DLEU7: variants seen among roughly 807,000 people sequenced by gnomAD.
DLEU7 encodes the protein leukemia-associated protein 7.
Under a neutral mutation model 16.0 loss-of-function variants are expected in DLEU7, and 17 were observed. The ratio of observed to expected loss-of-function variants is 1.06; its 90% confidence interval spans 0.73 to 1.59. The LOEUF is 1.59. Ranked by LOEUF, DLEU7 falls within the 40% of genes most tolerant of loss-of-function variation. The probability of loss-of-function intolerance (pLI) is 0.00; values close to 1 mark genes in which losing one functional copy is unlikely to be tolerated. For synonymous variants in DLEU7, 113 were observed against 139.8 expected, an observed-to-expected ratio of 0.81 and a Z score of 1.35; for missense variants, 308 against 314.9, an observed-to-expected ratio of 0.98 and a Z score of 0.17.
chr13:50,789,146 C>T (rs181497739), intron 1 of DLEU7, among the ~76,000 whole-genome samples: 3 of 151,616 alleles, frequency 2.0e-5, no homozygotes, highest in Admixed American at 6.6e-5. Flanking sequence ...CTCAGTGTTT[C>T]GGAGCTCGGT....
Position 50,843,290 on chromosome 13 carries a change from G to A in DLEU7, c.357C>T (p.Ser119=), listed in dbSNP as rs1256480325. 3 of 1,558,468 alleles carry A rather than the reference G, an allele frequency of 1.9e-6. No individual in the cohort carries two copies. The highest frequency in any genetic ancestry group is 2.5e-5 in the East Asian group (1 of 40,156). The change falls in exon 1 of 2, where the codon AGC becomes AGT. Residue 119 remains serine (S), a synonymous_variant. Coordinates refer to ENST00000504404, the MANE Select transcript of DLEU7 (RefSeq NM_001306135.2). The surrounding 1 kb of genome is among the most constrained non-coding windows in gnomAD (Gnocchi z 5.7). ...PCTLAQMAMR[S]ALARVVDSTS... is the part of the protein sequence containing the mutation. ...TCGAGTCCACCACGCGGGCCAGCGC[G>A]CTGCGCATCGCCATCTGGGCCAGGG...
intron 1 of DLEU7, among the ~76,000 whole-genome samples, chr13:50,781,532 G>A (rs923845825): frequency 6.6e-6 from 1 of 152,184 alleles, no homozygotes; most frequent in Admixed American, 6.5e-5. Flanking sequence ...TCTGCAAATG[G>A]TCTTCCTGCC....
chr13:50,786,211 A>G (rs1458313489), intron 1 of DLEU7, among the ~76,000 whole-genome samples: 2 of 152,068 alleles, frequency 1.3e-5, no homozygotes, highest in African/African-American at 4.8e-5. Flanking sequence ...CCTGATTTTT[A>G]CCCATTCTGG....
chr13:50,812,178 A>G (rs1876590863), intron 1 of DLEU7, among the ~76,000 whole-genome samples: 1 of 152,110 alleles, frequency 6.6e-6, no homozygotes, highest in African/African-American at 2.4e-5. Flanking sequence ...CAGTAGCAGA[A>G]CCTATTTTCA....
chr13:50,792,438 T>G (rs1451013565), intron 1 of DLEU7, among the ~76,000 whole-genome samples: 3 of 152,166 alleles, frequency 2.0e-5, no homozygotes, highest in Non-Finnish European at 4.4e-5. Flanking sequence ...CAACTTCCCT[T>G]TAGCTATTCC....
At chr13:50,838,854 T>G (rs1877554975) in intron 1 of DLEU7, among the ~76,000 whole-genome samples, 1 of 152,194 alleles carries the variant, frequency 6.6e-6, no homozygotes, top group African/African-American at 2.4e-5. Flanking sequence ...TTTCTCTCTC[T>G]GCTTGCACGC....
chr13:50,736,778 G>A (rs1874082292), intron 1 of DLEU7, among the ~76,000 whole-genome samples: 1 of 151,780 alleles, frequency 6.6e-6, no homozygotes, highest in African/African-American at 2.4e-5. Flanking sequence ...GGAGAGAAAG[G>A]AGAAATGGAG....
At chr13:50,841,837 A>C (rs1264790125) in intron 1 of DLEU7, among the ~76,000 whole-genome samples, 4 of 151,878 alleles carry the variant, frequency 2.6e-5, no homozygotes, top group African/African-American at 7.3e-5. Context: ...TGGTGATACC[A>C]AAAAAAAGTA....
intron 1 of DLEU7, among the ~76,000 whole-genome samples, chr13:50,736,784 T>G (rs1161585019): frequency 6.7e-6 from 1 of 148,720 alleles, no homozygotes. Flanking sequence ...AAAGGAGAAA[T>G]GGAGAGGGAG....
intron 1 of DLEU7, among the ~76,000 whole-genome samples, chr13:50,810,488 G>A (rs936629870): frequency 1.3e-5 from 2 of 152,098 alleles, no homozygotes; most frequent in African/African-American, 4.8e-5. Flanking sequence ...GGCAAGAAAA[G>A]CAAGGATAAA....
intron 1 of DLEU7, among the ~76,000 whole-genome samples, chr13:50,767,768 A>C (rs1875165475): frequency 6.6e-6 from 1 of 152,172 alleles, no homozygotes; most frequent in Admixed American, 6.5e-5. Context: ...CAGGACCAGC[A>C]TACACACAGA....
Position 50,777,048 on chromosome 13 carries a change from C to T in DLEU7, c.460-63808G>A, listed in dbSNP as rs1017401138. Among the ~76,000 whole-genome samples the T allele has an allele frequency of 7.2e-5, 11 of 152,166 alleles. No homozygotes were observed. The South Asian group carries it at 2.1e-3, about 29-fold the overall frequency. ...CCAGTAAGCTGGAACTTAGTAGTGG[C>T]TTCCCCCTTTGAAAAGGGATAAATG... is the stretch of plus-strand genomic sequence containing the variant. On this transcript the variant is annotated intron_variant, in intron 1 of 1. Coordinates refer to the DLEU7 transcript ENST00000400393.
chr13:50,842,051 A>C (rs972673915), intron 1 of DLEU7, among the ~76,000 whole-genome samples: 1 of 152,124 alleles, frequency 6.6e-6, no homozygotes, highest in African/African-American at 2.4e-5. Flanking sequence ...ATGCTGCTAA[A>C]CATCCTCTAA....
At chr13:50,781,427 T>G (rs1167842751) in intron 1 of DLEU7, among the ~76,000 whole-genome samples, 2 of 152,208 alleles carry the variant, frequency 1.3e-5, no homozygotes, top group African/African-American at 4.8e-5. Context: ...ACCATCTTAG[T>G]AACTGTGAAA....
intron 1 of DLEU7, among the ~76,000 whole-genome samples, chr13:50,715,148 T>C (rs1465660872): frequency 1.3e-5 from 2 of 152,120 alleles, no homozygotes; most frequent in Non-Finnish European, 2.9e-5. Flanking sequence ...CACCTACATC[T>C]CAGAGCCAGC....
intron 1 of DLEU7, among the ~76,000 whole-genome samples, chr13:50,762,769 A>G (rs1874975992): frequency 1.3e-5 from 2 of 151,172 alleles, no homozygotes; most frequent in African/African-American, 4.9e-5. Flanking sequence ...CTCACACTGA[A>G]GAGGTTAATC....
downstream of DLEU7, among the ~76,000 whole-genome samples, chr13:50,821,742 CAAAA>C (rs571535923): frequency 1.9e-4 from 28 of 146,240 alleles, no homozygotes; most frequent in East Asian, 5.6e-3. Context: ...TAAAAAAAAA[CAAAA>C]AACCTTAATA....
intron 1 of DLEU7, among the ~76,000 whole-genome samples, chr13:50,836,743 G>A (rs1167686075): frequency 1.3e-5 from 2 of 152,122 alleles, no homozygotes; most frequent in East Asian, 1.9e-4. Context: ...AGAAGTCTGT[G>A]TTGAGGGCTG....
intron 1 of DLEU7, among the ~76,000 whole-genome samples, chr13:50,815,196 T>C (rs1343873860): frequency 6.6e-6 from 1 of 152,122 alleles, no homozygotes; most frequent in Admixed American, 6.6e-5. Flanking sequence ...AAAGACATCT[T>C]GGAAATTGTA....
Sources: allele counts gnomAD v4.1 joint callset (sites outside exome capture counted in the v4.1 genomes callset), GRCh38; gene constraint gnomAD v4.1.1; non-coding constraint Gnocchi (gnomAD v3.1); transcripts MANE v1.5; gene names NCBI Gene and HGNC (gene_info 2026-07-23, HGNC 2026-07-21).